ALK: variants seen among roughly 807,000 people sequenced by gnomAD.
The protein encoded by ALK is ALK receptor tyrosine kinase.
ALK carries 74 observed loss-of-function variants against 163.1 expected under a neutral mutation model. That is an observed-to-expected ratio of 0.45 (90% confidence interval 0.38 to 0.55). ALK has a LOEUF of 0.55. Ranked by LOEUF, ALK falls within the 20% of genes least tolerant of loss-of-function variation. The probability of loss-of-function intolerance (pLI) is 0.00; values close to 1 mark genes in which losing one functional copy is unlikely to be tolerated. For synonymous variants in ALK, 960 were observed against 843.2 expected (o/e 1.14, Z -2.40); for missense variants, 2,063 against 2,105.3 (o/e 0.98, Z 0.39).
At chr2:29,544,204 T>C (rs1673489040) in intron 3 of ALK, among the ~76,000 whole-genome samples, 1 of 152,152 alleles carries the variant, frequency 6.6e-6, no homozygotes, top group Admixed American at 6.5e-5. Context: ...CCCAGATGCA[T>C]GCCCCGAGAT....
intron 1 of ALK, among the ~76,000 whole-genome samples, chr2:29,852,979 A>G (rs1032843728): frequency 5.9e-5 from 9 of 152,140 alleles, no homozygotes; most frequent in African/African-American, 1.9e-4. Flanking sequence ...TGGACTTCTC[A>G]GTATCCAGGA....
At position 29,214,048 on chromosome 2, in the gene ALK, G is replaced by A; in HGVS notation, c.3679C>T (p.Leu1227=). 6.2e-7 allele frequency: 1 copy of A among 1,614,132 alleles called. No individual in the cohort carries two copies. The highest frequency in any genetic ancestry group is 8.5e-7 in the Non-Finnish European group (1 of 1,179,988). The change falls in exon 24 of 29, where the codon CTG becomes TTG. Residue 1227 remains leucine, a synonymous_variant. Coordinates refer to ENST00000389048, the MANE Select transcript of ALK (RefSeq NM_004304.5). ...CAGGCAATGTCCCGAGCCACGTGCA[G>A]AAGGTCCAGCATGGCCAGGGAGGAG... is the stretch of plus-strand genomic sequence containing the variant. ...QPSSLAMLDL[L]HVARDIACGC...
intron 3 of ALK, among the ~76,000 whole-genome samples, chr2:29,642,995 T>G (rs1194423951): frequency 6.6e-6 from 1 of 152,178 alleles, no homozygotes; most frequent in Non-Finnish European, 1.5e-5. Context: ...GCTCAGAGTT[T>G]ATTAGAGATT....
chr2:29,653,419 A>C (rs1286244969), intron 3 of ALK, among the ~76,000 whole-genome samples: 1 of 152,154 alleles, frequency 6.6e-6, no homozygotes, highest in African/African-American at 2.4e-5. Context: ...CCAGACCAAG[A>C]ATTAGACTCG....
chr2:29,883,405 C>T (rs1475777206), intron 1 of ALK, among the ~76,000 whole-genome samples: 1 of 152,214 alleles, frequency 6.6e-6, no homozygotes, highest in Admixed American at 6.5e-5. Flanking sequence ...CAGGTTTAGG[C>T]CATCTTCACC....
chr2:29,384,518 C>T (rs1390646331), intron 4 of ALK, among the ~76,000 whole-genome samples: 1 of 152,148 alleles, frequency 6.6e-6, no homozygotes, highest in African/African-American at 2.4e-5. Flanking sequence ...GATACTGACA[C>T]TGTCAGAGAA....
chr2:29,231,323 G>A (rs937879111), intron 15 of ALK, among the ~76,000 whole-genome samples: 2 of 152,340 alleles, frequency 1.3e-5, no homozygotes, highest in Admixed American at 6.5e-5. Flanking sequence ...GTGACAGAGC[G>A]AGACTCCGTC....
intron 3 of ALK, among the ~76,000 whole-genome samples, chr2:29,638,186 C>T (rs1283084191): frequency 6.6e-6 from 1 of 152,172 alleles, no homozygotes; most frequent in Admixed American, 6.5e-5. Context: ...GAAGCTGGGA[C>T]ACCAGCACCT....
At chr2:29,708,317 C>A (rs1678974566) in intron 2 of ALK, among the ~76,000 whole-genome samples, 1 of 152,186 alleles carries the variant, frequency 6.6e-6, no homozygotes, top group Admixed American at 6.5e-5. Context: ...AATCCACCCA[C>A]CCTGGCCTCC....
chr2:29,717,736 TG>T, intron 1 of ALK, 39 bp from the exon 2 acceptor site: 1 of 1,613,692 alleles, frequency 6.2e-7, no homozygotes, highest in Non-Finnish European at 8.5e-7. Context: ...TCCATGTGCT[TG>T]GGGTGTGTCT....
At chr2:29,232,136 C>T (rs901985046) in intron 15 of ALK, among the ~76,000 whole-genome samples, 168 bp downstream of exon 15, 2 of 152,162 alleles carry the variant, frequency 1.3e-5, no homozygotes, top group Non-Finnish European at 2.9e-5. Flanking sequence ...GCCTGCAGGG[C>T]TCCCAGGGTG....
At chr2:29,232,032 A>G (rs991343632) in intron 15 of ALK, among the ~76,000 whole-genome samples, 2 of 139,180 alleles carry the variant, frequency 1.4e-5, no homozygotes, top group Non-Finnish European at 3.2e-5. Context: ...GGCTCTAACA[A>G]TTGCAGGGAG....
chr2:29,378,523 C>T (rs945469170), intron 5 of ALK, among the ~76,000 whole-genome samples: 3 of 152,050 alleles, frequency 2.0e-5, no homozygotes, highest in Non-Finnish European at 4.4e-5. Flanking sequence ...TTTCTCTATC[C>T]ATAATAATGG....
At chr2:29,718,743 C>G (rs1044981916) in intron 1 of ALK, among the ~76,000 whole-genome samples, 2 of 152,184 alleles carry the variant, frequency 1.3e-5, no homozygotes, top group African/African-American at 4.8e-5. Flanking sequence ...GAAGCAGAAA[C>G]TGAGCCCAGG....
chr2:29,668,579 A>G (rs891894734), intron 3 of ALK, among the ~76,000 whole-genome samples: 8 of 152,188 alleles, frequency 5.3e-5, no homozygotes, highest in Middle Eastern at 3.4e-3. Context: ...TCTTCTTATT[A>G]GAGTTTTATC....
chr2:29,899,072 C>T (rs984735231), intron 1 of ALK, among the ~76,000 whole-genome samples: 2 of 152,136 alleles, frequency 1.3e-5, no homozygotes, highest in African/African-American at 2.4e-5. Flanking sequence ...GCCCCAGGAC[C>T]GGCAGGTTTT....
chr2:29,665,254 T>C (rs1351511091), intron 3 of ALK, among the ~76,000 whole-genome samples: 1 of 152,008 alleles, frequency 6.6e-6, no homozygotes, highest in East Asian at 1.9e-4. Flanking sequence ...CCCAAAGTGT[T>C]GGGAATACAG....
At position 29,546,429 on chromosome 2, in the gene ALK, G is replaced by A. The variant is rs1474345062; in HGVS notation, c.953-14313C>T. On this transcript the variant is annotated intron_variant, in intron 3 of 28. Transcript: ENST00000389048. ...CCTCAAGGAAAATAGAAAAGCACTT[G>A]ATCTGACTAGAAGGAGAAAGGGGAA... Among the ~76,000 whole-genome samples the A allele has an allele frequency of 2.6e-5, 4 of 152,224 alleles. No homozygotes were observed. In the East Asian group the frequency reaches 7.7e-4, roughly 29 times the overall value.
rs550608288 is a variant in ALK at position 29,717,646 on chromosome 2, T to C, written c.719A>G (p.Tyr240Cys). The C allele has an allele frequency of 3.4e-5, 55 of 1,613,904 alleles. No individual in the cohort carries two copies. The South Asian group carries it at 3.7e-4, about 11-fold the overall frequency. The change falls in exon 2 of 29, where the codon TAT becomes TGT. Residue 240 changes from tyrosine (Y) to cysteine (C), a missense_variant. Tyr to Cys is a radical substitution (Grantham distance 194). Coordinates refer to ENST00000389048, the MANE Select transcript of ALK (RefSeq NM_004304.5). ...TATCCAGGTGAGATTCCATGTAAAA[T>C]AATCAGGAGAAGGAGAAGGCATGTT... ...PTNMPSPSPD[Y>C]FTWNLTWIMK...
Sources: allele counts gnomAD v4.1 joint callset (sites outside exome capture counted in the v4.1 genomes callset), GRCh38; gene constraint gnomAD v4.1.1; transcripts MANE v1.5; gene names NCBI Gene and HGNC (gene_info 2026-07-23, HGNC 2026-07-21).